The following FUT8 variants were observed in gnomAD, a reference collection of about 807,000 sequenced individuals.
FUT8 encodes fucosyltransferase 8.
FUT8 carries 29 observed loss-of-function variants against 71.3 expected under a neutral mutation model. The ratio of observed to expected loss-of-function variants is 0.41; its 90% CI spans 0.30 to 0.55. FUT8 has a LOEUF of 0.55. Among genes scored for constraint, FUT8 ranks in the 20% least tolerant of loss-of-function variants. FUT8 has a pLI of 0.34. For missense variants in FUT8, 544 were observed against 702.1 expected, an observed-to-expected ratio of 0.77 and a Z score of 2.55; for synonymous variants, 254 against 239.3, an observed-to-expected ratio of 1.06 and a Z score of -0.57.
chr14:65,525,613 G>A (rs1883406591), intron 2 of FUT8, among the ~76,000 whole-genome samples: 1 of 152,140 alleles, frequency 6.6e-6, no homozygotes, highest in South Asian at 2.1e-4. Context: ...GCTTTTGAAT[G>A]TGTTTGCTCT....
chr14:65,454,430 C>T (rs929515785), intron 1 of FUT8, among the ~76,000 whole-genome samples: 2 of 151,970 alleles, frequency 1.3e-5, no homozygotes, highest in Non-Finnish European at 2.9e-5. Flanking sequence ...AGTTTGATAC[C>T]AGCCTGGGCA....
chr14:65,692,827 C>G (rs532540152), intron 7 of FUT8, among the ~76,000 whole-genome samples: 61 of 149,710 alleles, frequency 4.1e-4, no homozygotes, highest in African/African-American at 1.3e-3. Flanking sequence ...ACCTCCCAGA[C>G]GGGGTCACGG....
intron 9 of FUT8, among the ~76,000 whole-genome samples, chr14:65,726,025 C>T (rs1254726418): frequency 2.6e-5 from 4 of 152,212 alleles, no homozygotes; most frequent in Non-Finnish European, 5.9e-5. Flanking sequence ...CACACACACA[C>T]ACACTGAGAT....
chr14:65,677,151 T>TGTGTGTGTGCGCGCGCGCGCGC, intron 7 of FUT8, among the ~76,000 whole-genome samples: 8 of 110,702 alleles, frequency 7.2e-5, no homozygotes, highest in Non-Finnish European at 1.4e-4. Context: ...TGTGTGTGTG[T>TGTGTGTGTGCGCGCGCGCGCGC]GCGCGCGCGC....
the FUT8 span, among the ~76,000 whole-genome samples, chr14:65,369,948 T>C: frequency 7.9e-5 from 12 of 152,300 alleles, no homozygotes; most frequent in African/African-American, 2.9e-4. This position sits in a 1 kb window ranked among gnomAD's most constrained non-coding sequence, Gnocchi z 4.6. Flanking sequence ...TCTTTCTTGC[T>C]GGAGGTCCAA....
chr14:65,608,088 G>C lies in FUT8; in HGVS notation c.204-7890G>C, dbSNP rs542565803. ...CAAAAAAAAAAAAAAAAAAATGCTTGAATCTAAAGTTTCAAAAAATTCAAT... is the reference window on the plus strand; with the variant it reads ...CAAAAAAAAAAAAAAAAAAATGCTTCAATCTAAAGTTTCAAAAAATTCAAT... On this transcript the variant is annotated intron_variant, in intron 3 of 10. Transcript: ENST00000673929. 7.7e-4 allele frequency among the ~76,000 whole-genome samples: 111 copies of C among 144,720 alleles called. 1 individual carries two copies. The South Asian group carries it at 7.8e-3, about 10-fold the overall frequency. 94.9% of individuals were successfully genotyped at this position (144,720 alleles called of 152,430 possible). A position where few individuals can be genotyped will look rare whatever the true frequency, so the allele number is the denominator to read the frequency against.
At chr14:65,705,785 A>C (rs746314353) in intron 7 of FUT8, among the ~76,000 whole-genome samples, 3 of 152,224 alleles carry the variant, frequency 2.0e-5, no homozygotes, top group Non-Finnish European at 4.4e-5. Flanking sequence ...CACGGTAGCT[A>C]GGAGTCCCTA....
At chr14:65,521,963 A>G (rs1848903562) in intron 2 of FUT8, among the ~76,000 whole-genome samples, 1 of 152,020 alleles carries the variant, frequency 6.6e-6, no homozygotes, top group Non-Finnish European at 1.5e-5. Context: ...GTTATGCATG[A>G]GAAGACATGT....
intron 2 of FUT8, among the ~76,000 whole-genome samples, chr14:65,536,804 G>A (rs1014941856): frequency 1.3e-5 from 2 of 152,104 alleles, no homozygotes; most frequent in Admixed American, 1.3e-4. Flanking sequence ...TCTCTCTATA[G>A]GTTCAGAAAG....
intron 3 of FUT8, among the ~76,000 whole-genome samples, chr14:65,581,631 T>C (rs1431697950): frequency 6.6e-6 from 1 of 152,152 alleles, no homozygotes; most frequent in Non-Finnish European, 1.5e-5. Flanking sequence ...TCAAAGGATA[T>C]AAACTGACAC....
chr14:65,629,937 C>A (rs893689753), intron 6 of FUT8, among the ~76,000 whole-genome samples: 1 of 152,000 alleles, frequency 6.6e-6, no homozygotes, highest in African/African-American at 2.4e-5. Flanking sequence ...AGTAAGGAGA[C>A]ATCAGGGATA....
intron 7 of FUT8, among the ~76,000 whole-genome samples, chr14:65,677,147 T>TGC (rs1450622099): frequency 1.1e-4 from 11 of 102,808 alleles, no homozygotes; most frequent in South Asian, 5.7e-4. Flanking sequence ...TGTGTGTGTG[T>TGC]GTGTGCGCGC....
chr14:65,724,308 A>G lies in FUT8; in HGVS notation c.1244A>G (p.Lys415Arg). The G allele has an allele frequency of 6.2e-7, 1 of 1,605,022 alleles. No homozygotes were observed. The highest frequency in any genetic ancestry group is 1.1e-5 in the South Asian group (1 of 88,896). Residue 415 changes from lysine (K) to arginine (R), a missense_variant, in exon 9 of 11, where the codon AAG becomes AGG. By Grantham distance (26) the Lys-to-Arg change is conservative (BLOSUM62 2). Transcript: ENST00000673929. ...GCCACAGATGACCCTTCTTTATTAAAGGAGGCAAAAACAAAGTAAGTTAGA... is the reference window on the plus strand; with the variant it reads ...GCCACAGATGACCCTTCTTTATTAAGGGAGGCAAAAACAAAGTAAGTTAGA... ...YLATDDPSLL[K>R]EAKTKYPNYE...
intron 2 of FUT8, among the ~76,000 whole-genome samples, chr14:65,531,931 T>A (rs969588522): frequency 2.0e-5 from 3 of 152,244 alleles, no homozygotes; most frequent in Admixed American, 6.5e-5. Flanking sequence ...TCTATCCATG[T>A]TACTGCAAAG....
chr14:65,494,825 G>A (rs78076896), intron 2 of FUT8, among the ~76,000 whole-genome samples: 2 of 151,894 alleles, frequency 1.3e-5, no homozygotes, highest in Admixed American at 6.6e-5. Context: ...TTCAGGAGAC[G>A]GAAGAGAAAG....
chr14:65,653,623 G>A (rs1022717159), intron 6 of FUT8, among the ~76,000 whole-genome samples: 1 of 152,150 alleles, frequency 6.6e-6, no homozygotes, highest in African/African-American at 2.4e-5. Flanking sequence ...CCAGAGAGAA[G>A]CAGCGCATTA....
intron 6 of FUT8, among the ~76,000 whole-genome samples, chr14:65,650,320 A>C (rs1437615607): frequency 1.3e-5 from 2 of 149,620 alleles, no homozygotes; most frequent in African/African-American, 4.9e-5. Flanking sequence ...AAAAAAAAAA[A>C]AAAAAAACCT....
chr14:65,552,709 C>G (rs2140009082), intron 2 of FUT8, among the ~76,000 whole-genome samples: 1 of 152,276 alleles, frequency 6.6e-6, no homozygotes, highest in East Asian at 1.9e-4. Context: ...CTGGTCTTCT[C>G]AAGAACTTTC....
At chr14:65,681,644 G>C (rs1316976640) in intron 7 of FUT8, among the ~76,000 whole-genome samples, 1 of 152,154 alleles carries the variant, frequency 6.6e-6, no homozygotes, top group Non-Finnish European at 1.5e-5. Context: ...TTGTATGTGT[G>C]TATGTGAGTG....
Sources: allele counts gnomAD v4.1 joint callset (sites outside exome capture counted in the v4.1 genomes callset), GRCh38; gene constraint gnomAD v4.1.1; non-coding constraint Gnocchi (gnomAD v3.1); transcripts MANE v1.5; gene names NCBI Gene and HGNC (gene_info 2026-07-23, HGNC 2026-07-21).